The following SESTD1 variants were observed in gnomAD, a reference collection of about 807,000 sequenced individuals.
The protein encoded by SESTD1 is SEC14 domain and spectrin repeat-containing protein 1.
SESTD1 carries 43 observed loss-of-function variants against 101.7 expected under a neutral mutation model. The observed-to-expected ratio is 0.42, with a 90% CI of 0.33 to 0.55. The LOEUF (loss-of-function observed/expected upper bound fraction) is 0.55, where lower values mean the gene tolerates loss of function less well. Ranked by LOEUF, SESTD1 falls within the 20% of genes least tolerant of loss-of-function variation. The pLI is 0.07. For synonymous variants in SESTD1, 283 were observed against 286.8 expected (o/e 0.99, Z 0.13); for missense variants, 647 against 815.1 (o/e 0.79, Z 2.51).
At chr2:179,227,878 A>T (rs1574050711) in intron 1 of SESTD1, among the ~76,000 whole-genome samples, 1 of 152,142 alleles carries the variant, frequency 6.6e-6, no homozygotes, top group Non-Finnish European at 1.5e-5. Flanking sequence ...GTGTGACCTT[A>T]AGCAAGCTAC....
chr2:179,118,273 TGAC>T (rs1262312460), intron 13 of SESTD1, among the ~76,000 whole-genome samples: 1 of 152,214 alleles, frequency 6.6e-6, no homozygotes, highest in Admixed American at 6.5e-5. Context: ...AAAACTCTAC[TGAC>T]CTCTGGGTGT....
intron 1 of SESTD1, among the ~76,000 whole-genome samples, chr2:179,239,339 G>C (rs1463593047): frequency 6.6e-6 from 1 of 151,792 alleles, no homozygotes. Context: ...TTGCAAACCA[G>C]CTCATAGTTC....
intron 1 of SESTD1, among the ~76,000 whole-genome samples, chr2:179,252,089 C>T (rs1240858773): frequency 6.6e-6 from 1 of 152,168 alleles, no homozygotes; most frequent in Non-Finnish European, 1.5e-5. Flanking sequence ...GTATGAGTAA[C>T]TGATAGGCTT....
At chr2:179,120,398 A>T (rs2044724220) in intron 13 of SESTD1, among the ~76,000 whole-genome samples, 1 of 152,176 alleles carries the variant, frequency 6.6e-6, no homozygotes, top group African/African-American at 2.4e-5. Flanking sequence ...GTAACTACTA[A>T]ACCATGATCT....
chr2:179,132,482 T>C (rs2045034453), intron 9 of SESTD1, 56 bp from the exon 10 acceptor site: 1 of 1,524,694 alleles, frequency 6.6e-7, no homozygotes, highest in African/African-American at 1.5e-5. Flanking sequence ...TTTCAAACTT[T>C]CATTCTAACT....
chr2:179,252,646 T>G (rs1030945139), intron 1 of SESTD1, among the ~76,000 whole-genome samples: 1 of 152,196 alleles, frequency 6.6e-6, no homozygotes, highest in African/African-American at 2.4e-5. Context: ...TTTTTACCTT[T>G]TGGTTTGACT....
chr2:179,132,232 C>A, intron 10 of SESTD1, 72 bp downstream of exon 10: 1 of 1,443,658 alleles, frequency 6.9e-7, no homozygotes, highest in Non-Finnish European at 9.1e-7. Context: ...ACTTATCACT[C>A]AGTACCACAT....
Position 179,150,796 on chromosome 2 carries a change from G to A in SESTD1, c.483+482C>T, listed in dbSNP as rs62177279. 6.0e-3 allele frequency among the ~76,000 whole-genome samples: 907 copies of A among 151,784 alleles called. 6 individuals are homozygous for A. Among genetic ancestry groups the A allele is most frequent in the Non-Finnish European group, 0.01 (701 of 67,966 alleles). On this transcript the variant is annotated intron_variant, in intron 6 of 17. Coordinates refer to ENST00000428443, the MANE Select transcript of SESTD1 (RefSeq NM_178123.5). ...GATTGCGCCACAGCACTCCAGCCTG[G>A]GCAACAGAGCAAGACTGTCTCAAAA...
intron 9 of SESTD1, among the ~76,000 whole-genome samples, chr2:179,134,611 T>C (rs1259619778): frequency 6.6e-6 from 1 of 152,206 alleles, no homozygotes; most frequent in Non-Finnish European, 1.5e-5. Flanking sequence ...ATGTTTTTTT[T>C]TCTCTGTTTT....
chr2:179,243,936 ATG>A (rs575318092), intron 1 of SESTD1, among the ~76,000 whole-genome samples: 1 of 143,828 alleles, frequency 7.0e-6, no homozygotes, highest in African/African-American at 2.7e-5. Context: ...ATATATATAT[ATG>A]TGTGTGTATA....
rs1403757801 is a variant in SESTD1, at chr2:179,214,610, C to A, written c.-25-22744G>T. On this transcript the variant is annotated intron_variant, in intron 1 of 17. Transcript: ENST00000428443. ...AGAAAGTTAACAAGGATATCCAGGA[C>A]TTGAACTCAGCTCTGCACCAAGCAG... Among the ~76,000 whole-genome samples, 9 of 134,376 alleles carry A rather than the reference C, an allele frequency of 6.7e-5. 3 individuals carry two copies. The highest frequency in any genetic ancestry group is 2.7e-4 in the African/African-American group (9 of 33,894). The allele number at this position is 134,376 out of a possible 152,430, so 88.2% of individuals were successfully genotyped here.
intron 1 of SESTD1, among the ~76,000 whole-genome samples, chr2:179,255,456 C>A (rs2047379985): frequency 6.6e-6 from 1 of 152,218 alleles, no homozygotes; most frequent in Admixed American, 6.5e-5. Flanking sequence ...GGATAGAAGA[C>A]CAAACCAGCC....
chr2:179,120,367 G>A (rs2044722928), intron 13 of SESTD1, among the ~76,000 whole-genome samples: 1 of 152,140 alleles, frequency 6.6e-6, no homozygotes, highest in Non-Finnish European at 1.5e-5. Flanking sequence ...TGGAATTATG[G>A]GTCTACAGCA....
rs1212997757 is a variant in SESTD1 at position 179,201,025 on chromosome 2, T to G, written c.-25-9159A>C. Among the ~76,000 whole-genome samples the G allele has an allele frequency of 3.0e-5, 4 of 134,542 alleles. 1 individual carries two copies. The highest frequency in any genetic ancestry group is 2.9e-4 in the Admixed American group (4 of 13,904). 88.3% of individuals were successfully genotyped at this position (134,542 alleles called of 152,430 possible). A position where few individuals can be genotyped will look rare whatever the true frequency, so the allele number is the denominator to read the frequency against. ...AGAAAATTTTCGCAACCTACTCATTTGACAAAGGGCTAATATCCAGAATCT... is the reference window on the plus strand; with the variant it reads ...AGAAAATTTTCGCAACCTACTCATTGGACAAAGGGCTAATATCCAGAATCT... On this transcript the variant is annotated intron_variant, in intron 1 of 17. Coordinates refer to ENST00000428443, the MANE Select transcript of SESTD1 (RefSeq NM_178123.5).
At chr2:179,116,822 T>C in intron 14 of SESTD1, 32 bp from the exon 15 acceptor site, 1 of 1,603,940 alleles carries the variant, frequency 6.2e-7, no homozygotes, top group Non-Finnish European at 8.5e-7. Context: ...TGAAGCTGGA[T>C]TCAGAACTCT....
At chr2:179,208,407 C>T (rs1272234480) in intron 1 of SESTD1, among the ~76,000 whole-genome samples, 2 of 134,480 alleles carry the variant, frequency 1.5e-5, no homozygotes, top group Non-Finnish European at 1.6e-5. Flanking sequence ...AGATAATCAC[C>T]TAGGCACATA....
At chr2:179,151,755 T>C (rs2045535340) in intron 5 of SESTD1, among the ~76,000 whole-genome samples, 1 of 152,210 alleles carries the variant, frequency 6.6e-6, no homozygotes, top group South Asian at 2.1e-4. Context: ...GACATTAAAA[T>C]GATAAGCCCT....
chr2:179,185,781 T>G (rs1442449500), intron 2 of SESTD1, among the ~76,000 whole-genome samples: 4 of 125,694 alleles, frequency 3.2e-5, no homozygotes, highest in East Asian at 4.5e-4. Flanking sequence ...GCATATACAA[T>G]ATAGTATACA....
At chr2:179,215,604 A>C (rs941280200) in intron 1 of SESTD1, among the ~76,000 whole-genome samples, 1 of 134,862 alleles carries the variant, frequency 7.4e-6, no homozygotes, top group African/African-American at 2.9e-5. Context: ...CAGTCCAATC[A>C]ATAGAAAAAC....
Sources: gnomAD v4.1 joint callset for allele counts (sites outside exome capture counted in the v4.1 genomes callset) on GRCh38, gnomAD v4.1.1 for gene constraint, MANE v1.5 for transcripts, NCBI Gene and HGNC (gene_info 2026-07-23, HGNC 2026-07-21) for gene names.